The following DDX19B variants were observed in gnomAD, a reference collection of about 807,000 sequenced individuals.
DDX19B encodes ATP-dependent RNA helicase DDX19B.
Under a neutral mutation model 58.1 loss-of-function variants are expected in DDX19B, and 27 were observed. That is an observed-to-expected ratio of 0.46 (90% CI 0.34 to 0.64). The LOEUF (loss-of-function observed/expected upper bound fraction) is 0.64, where lower values mean the gene tolerates loss of function less well. Among genes scored for constraint, DDX19B ranks in the 30% least tolerant of loss-of-function variants. The pLI, the probability that DDX19B is intolerant of heterozygous loss-of-function variation, is 0.01. For synonymous variants in DDX19B, 187 were observed against 214.4 expected, an observed-to-expected ratio of 0.87 and a Z score of 1.12; for missense variants, 399 against 596.5, an observed-to-expected ratio of 0.67 and a Z score of 3.45.
At chr16:70,321,824 A>C (rs957168545) in intron 5 of DDX19B, among the ~76,000 whole-genome samples, 1 of 151,908 alleles carries the variant, frequency 6.6e-6, no homozygotes, top group African/African-American at 2.4e-5. Context: ...ATTTGAGGTC[A>C]GGAGTTCGAG....
chr16:70,312,658 G>T lies in DDX19B; in HGVS notation c.106+1G>T, dbSNP rs1477513181. ...GAGAAAATCAAACCAGATACCAATG[G>T]TAAGTAACTAATAGCTAGTTTGAAA... is the stretch of plus-strand genomic sequence containing the variant. On this transcript the variant is annotated splice_donor_variant, in intron 2 of 11. Transcript: ENST00000288071. LOFTEE classifies it high-confidence loss of function. 6.2e-7 allele frequency: 1 copy of T among 1,609,618 alleles called. No homozygotes were observed. Among genetic ancestry groups the T allele is most frequent in the Non-Finnish European group, 8.5e-7 (1 of 1,176,824 alleles).
chr16:70,303,676 C>T (rs1030741264), intron 1 of DDX19B, among the ~76,000 whole-genome samples: 22 of 151,948 alleles, frequency 1.4e-4, no homozygotes, highest in Non-Finnish European at 2.9e-4. Flanking sequence ...CCTGCCTCAG[C>T]CTCCCGAGTA....
At position 70,329,458 on chromosome 16, in the gene DDX19B, C is replaced by A; in HGVS notation, c.774C>A (p.Ile258=). 3 of 1,613,960 alleles carry A rather than the reference C, an allele frequency of 1.9e-6. No homozygotes were observed. The highest frequency in any genetic ancestry group is 2.5e-6 in the Non-Finnish European group (3 of 1,179,924). ...IATQGHQDQS[I]RIQRMLPRNC... ...CTCAGGGCCACCAAGATCAGAGCAT[C>A]CGCATCCAGAGGTAGGGATCTCGAG... Residue 258 remains isoleucine (I), a synonymous_variant, in exon 8 of 12, where the codon ATC becomes ATA. Transcript: ENST00000288071.
At chr16:70,327,146 T>C (rs1963202370) in intron 7 of DDX19B, among the ~76,000 whole-genome samples, 1 of 151,950 alleles carries the variant, frequency 6.6e-6, no homozygotes, top group Admixed American at 6.6e-5. Context: ...CTTCTTTTTT[T>C]TATTTTGAGA....
upstream of DDX19B, chr16:70,294,809 A>G (rs1237625158): frequency 1.4e-6 from 2 of 1,442,950 alleles, no homozygotes; most frequent in South Asian, 1.4e-5. Context: ...TGCCAAGAGC[A>G]GCGGTTGTTG....
chr16:70,295,141 T>C, upstream of DDX19B: 5 of 1,109,864 alleles, frequency 4.5e-6, no homozygotes, highest in Non-Finnish European at 5.8e-6. Flanking sequence ...GGAGGCTGAA[T>C]TCCAATCCAG....
chr16:70,330,052 C>T lies in DDX19B; in HGVS notation c.1007C>T (p.Ala336Val). Residue 336 changes from alanine to valine, a missense_variant, in exon 9 of 12, where the codon GCC (alanine) becomes GTC (valine). Physicochemically the swap from Ala to Val is moderately conservative, Grantham distance 64. Around this residue, in one of 4 missense-constraint regions of DDX19B, gnomAD observed 198 missense variants for 345.9 expected, o/e 0.57. Coordinates refer to ENST00000288071, the MANE Select transcript of DDX19B (RefSeq NM_007242.7). ...NLYGAITIAQ[A>V]MIFCHTRKTA... ...TACGGGGCCATCACCATTGCTCAAGCCATGATCTTCTGCCATGTGAGTAGC... is the reference window on the plus strand; with the variant it reads ...TACGGGGCCATCACCATTGCTCAAGTCATGATCTTCTGCCATGTGAGTAGC... 6.2e-7 allele frequency: 1 copy of T among 1,613,968 alleles called. No homozygotes were observed. Among genetic ancestry groups the T allele is most frequent in the Non-Finnish European group, 8.5e-7 (1 of 1,179,870 alleles).
At chr16:70,320,333 C>G (rs975093715) in intron 5 of DDX19B, among the ~76,000 whole-genome samples, 11 of 150,468 alleles carry the variant, frequency 7.3e-5, no homozygotes, top group Admixed American at 2.0e-4. Context: ...GTCTTAATCT[C>G]GTGGCCTCAA....
chr16:70,333,711 T>C lies in DDX19B; in HGVS notation c.*129T>C. The C allele has an allele frequency of 7.1e-7, 1 of 1,404,512 alleles. No individual in the cohort carries two copies. Among genetic ancestry groups the C allele is most frequent in the Non-Finnish European group, 9.9e-7 (1 of 1,010,034 alleles). The allele number at this position is 1,404,512 out of a possible 1,614,324, so 87.0% of individuals were successfully genotyped here. A position where few individuals can be genotyped will look rare whatever the true frequency, so the allele number is the denominator to read the frequency against. The stretch of plus-strand genomic sequence containing the variant: ...AGTAGAGAGAAACTACCTACCTCAC[T>C]TCAAATTATGTTTGGACTTGACAAA... On this transcript the variant is annotated 3_prime_UTR_variant, in exon 12 of 12. Transcript: ENST00000288071.
At chr16:70,322,000 A>T (rs549849920) in intron 5 of DDX19B, among the ~76,000 whole-genome samples, 35 of 148,160 alleles carry the variant, frequency 2.4e-4, no homozygotes, top group Non-Finnish European at 5.9e-5. Flanking sequence ...GCGCCATTGG[A>T]CTCCAGCCTG....
At position 70,327,270 on chromosome 16, in the gene DDX19B, C is replaced by T. The variant is rs1031203301; in HGVS notation, c.607+1582C>T. ...TTTTTGTAGGCCAAACATGGTGGCT[C>T]ATGCCTGTAATCCCAGCACTTTAGC... On this transcript the variant is annotated intron_variant, in intron 7 of 11. Transcript: ENST00000288071. 3.9e-5 allele frequency among the ~76,000 whole-genome samples: 6 copies of T among 151,998 alleles called. No individual in the cohort carries two copies. The South Asian group carries it at 8.3e-4, about 21-fold the overall frequency.
intron 9 of DDX19B, 50 bp downstream of exon 9, chr16:70,330,118 C>T: frequency 6.2e-7 from 1 of 1,603,470 alleles, no homozygotes. Context: ...TCAGCCAGCT[C>T]CCCACAGGGC....
At chr16:70,295,601 C>G (rs890315603), upstream of DDX19B, among the ~76,000 whole-genome samples, 1 of 152,002 alleles carries the variant, frequency 6.6e-6, no homozygotes. Flanking sequence ...GATGAGTATA[C>G]GGAGATTATC....
At chr16:70,312,494 T>C in intron 1 of DDX19B, 115 bp from the exon 2 acceptor site, 3 of 898,370 alleles carry the variant, frequency 3.3e-6, no homozygotes, top group East Asian at 2.6e-5. Flanking sequence ...TCCTAATGAA[T>C]ATACCTTGAG....
intron 5 of DDX19B, among the ~76,000 whole-genome samples, chr16:70,322,914 A>G (rs954981771): frequency 2.0e-5 from 3 of 150,262 alleles, no homozygotes; most frequent in African/African-American, 7.4e-5. Flanking sequence ...AAAAAAAAAA[A>G]GTCCCCATAA....
intron 6 of DDX19B, 55 bp from the exon 7 acceptor site, chr16:70,325,519 C>G: frequency 1.6e-6 from 2 of 1,229,038 alleles, no homozygotes; most frequent in Non-Finnish European, 1.2e-6. Flanking sequence ...TGGTAATTCC[C>G]CTTTGCAAAA....
chr16:70,296,533 T>C (rs1320388560), upstream of DDX19B, among the ~76,000 whole-genome samples: 2 of 152,092 alleles, frequency 1.3e-5, no homozygotes, highest in Non-Finnish European at 2.9e-5. Flanking sequence ...GAACCTACTA[T>C]ATACGGTCCT....
chr16:70,295,168 AAC>A, upstream of DDX19B: 1 of 933,106 alleles, frequency 1.1e-6, no homozygotes, highest in African/African-American at 1.7e-5. Flanking sequence ...TTATTCCCCG[AAC>A]ACTCTTCTTT....
At position 70,332,583 on chromosome 16, in the gene DDX19B, G is replaced by A. The variant is rs543046753; in HGVS notation, c.1187-385G>A. Among the ~76,000 whole-genome samples, 10 of 152,226 alleles carry A rather than the reference G, an allele frequency of 6.6e-5. No individual in the cohort carries two copies. In the South Asian group the frequency reaches 1.5e-3, roughly 22 times the overall value. ...CCCAAAGTGCTGGGATTACCGGTAT[G>A]AGCCACCGCACTCGGCCCCCCAAAT... On this transcript the variant is annotated intron_variant, in intron 10 of 11. Coordinates refer to ENST00000288071, the MANE Select transcript of DDX19B (RefSeq NM_007242.7).
Sources: gnomAD v4.1 joint callset for allele counts (sites outside exome capture counted in the v4.1 genomes callset) on GRCh38, gnomAD v4.1.1 for gene constraint, gnomAD v4.1.1 regional missense constraint, MANE v1.5 for transcripts, NCBI Gene and HGNC (gene_info 2026-07-23, HGNC 2026-07-21) for gene names.